SLC9A9: variants seen among roughly 807,000 people sequenced by gnomAD.
The protein encoded by SLC9A9 is sodium/hydrogen exchanger 9.
A neutral mutation model predicts 77.8 loss-of-function variants in SLC9A9; 62 were observed. The ratio of observed to expected loss-of-function variants is 0.80; its 90% CI spans 0.65 to 0.98. The LOEUF is 0.98. Among genes scored for constraint, SLC9A9 ranks in the 50% least tolerant of loss-of-function variants. The pLI is 0.00. For synonymous variants in SLC9A9, 320 were observed against 283.5 expected (o/e 1.13, Z -1.29); for missense variants, 775 against 774.9 (o/e 1.00, Z 0.00).
intron 6 of SLC9A9, among the ~76,000 whole-genome samples, chr3:143,606,432 C>CTA (rs1287074508): frequency 1.0e-3 from 60 of 58,706 alleles, no homozygotes; most frequent in Admixed American, 2.0e-3. Flanking sequence ...CTCTCTCTCT[C>CTA]TCTCTATATA....
rs541124323 is a variant in SLC9A9, at chr3:143,468,677, G to C, written c.1316-1487C>G. 4.9e-4 allele frequency among the ~76,000 whole-genome samples: 75 copies of C among 152,200 alleles called. 1 individual carries two copies. The highest frequency in any genetic ancestry group is 1.5e-3 in the African/African-American group (63 of 41,536). On this transcript the variant is annotated intron_variant, in intron 11 of 15. Transcript: ENST00000316549. ...TGTGTCAGACAACAAAGAAAACTAA[G>C]CTTATGGACCACTGAAAATTAAATA...
Position 143,676,471 on chromosome 3 carries a change from G to T in SLC9A9, c.649+16721C>A, listed in dbSNP as rs561744811. 7.2e-5 allele frequency among the ~76,000 whole-genome samples: 11 copies of T among 152,252 alleles called. No homozygotes were observed. The East Asian group carries it at 2.1e-3, about 29-fold the overall frequency. ...ATCTTAAAAGCAGCTGGGTGTGGTG[G>T]CTCATGCCTGTAATCCCAGTAATTT... On this transcript the variant is annotated intron_variant, in intron 5 of 15. Transcript: ENST00000316549.
chr3:143,758,873 A>G (rs187822565), intron 4 of SLC9A9, among the ~76,000 whole-genome samples: 346 of 152,252 alleles, frequency 2.3e-3, no homozygotes, highest in Non-Finnish European at 4.0e-3. Context: ...GAGGTTACTA[A>G]CAAGTTTCTA....
chr3:143,817,464 G>C (rs1477435159), intron 2 of SLC9A9, among the ~76,000 whole-genome samples: 1 of 152,154 alleles, frequency 6.6e-6, no homozygotes, highest in Admixed American at 6.5e-5. Flanking sequence ...TTATTTTATT[G>C]TAGTAAAATT....
intron 4 of SLC9A9, among the ~76,000 whole-genome samples, chr3:143,693,625 AC>A (rs1336975630): frequency 6.6e-6 from 1 of 152,146 alleles, no homozygotes; most frequent in Non-Finnish European, 1.5e-5. Context: ...CATATCCAAA[AC>A]CACAGCAGCT....
intron 13 of SLC9A9, among the ~76,000 whole-genome samples, chr3:143,366,504 T>A (rs900688495): frequency 3.3e-5 from 5 of 152,218 alleles, no homozygotes; most frequent in African/African-American, 1.2e-4. Context: ...ATAGACTACG[T>A]AACTTCATTG....
At chr3:143,405,833 A>T (rs1334455337) in intron 12 of SLC9A9, among the ~76,000 whole-genome samples, 1 of 152,200 alleles carries the variant, frequency 6.6e-6, no homozygotes, top group Admixed American at 6.5e-5. Flanking sequence ...TCTGGCACAA[A>T]TGTCACAAAC....
In SLC9A9 at chr3:143,733,656, C is replaced by T. The variant is rs377148204; in HGVS notation, c.534-40349G>A. ...GTGTGACTCCTGGTAGAGAGACAGGCAAGATAGCCAGCAGACCCAAGAGGG... is the reference window on the plus strand; with the variant it reads ...GTGTGACTCCTGGTAGAGAGACAGGTAAGATAGCCAGCAGACCCAAGAGGG... On this transcript the variant is annotated intron_variant, in intron 4 of 15. Transcript: ENST00000316549. 5.9e-4 allele frequency among the ~76,000 whole-genome samples: 90 copies of T among 152,080 alleles called. 1 individual carries two copies. The South Asian group carries it at 0.018, about 30-fold the overall frequency.
intron 11 of SLC9A9, among the ~76,000 whole-genome samples, chr3:143,469,150 A>G (rs1258130409): frequency 6.6e-6 from 1 of 151,854 alleles, no homozygotes; most frequent in Non-Finnish European, 1.5e-5. Context: ...ACAGAGTGAG[A>G]CTTCATCTCA....
At chr3:143,627,997 T>C (rs868093814) in intron 6 of SLC9A9, among the ~76,000 whole-genome samples, 1 of 152,264 alleles carries the variant, frequency 6.6e-6, no homozygotes, top group South Asian at 2.1e-4. Flanking sequence ...ATTTACTTAA[T>C]ATATCTGTAT....
intron 5 of SLC9A9, among the ~76,000 whole-genome samples, chr3:143,653,043 A>G (rs1415569328): frequency 3.3e-5 from 5 of 152,202 alleles, no homozygotes; most frequent in Admixed American, 3.3e-4. Context: ...TGCATGAATG[A>G]CTAAATGAAT....
At chr3:143,803,159 C>T (rs1019170104) in intron 2 of SLC9A9, among the ~76,000 whole-genome samples, 4 of 152,172 alleles carry the variant, frequency 2.6e-5, no homozygotes, top group African/African-American at 9.7e-5. Flanking sequence ...ACTGGGTTCA[C>T]CGTTCCAGAG....
chr3:143,638,563 C>G (rs1423861043), intron 6 of SLC9A9, among the ~76,000 whole-genome samples: 4 of 152,206 alleles, frequency 2.6e-5, no homozygotes, highest in African/African-American at 9.6e-5. Context: ...GCCATTCTGG[C>G]AACGGGAAAA....
At chr3:143,469,123 G>A (rs2035334334) in intron 11 of SLC9A9, among the ~76,000 whole-genome samples, 1 of 152,206 alleles carries the variant, frequency 6.6e-6, no homozygotes, top group South Asian at 2.1e-4. Flanking sequence ...TCGTGCCATT[G>A]CACTGCAGCC....
intron 9 of SLC9A9, among the ~76,000 whole-genome samples, chr3:143,552,049 C>A (rs990009766): frequency 6.6e-6 from 1 of 152,138 alleles, no homozygotes; most frequent in East Asian, 1.9e-4. Context: ...ATCTCACATG[C>A]CTTATAATGC....
intron 14 of SLC9A9, among the ~76,000 whole-genome samples, chr3:143,338,684 T>A (rs545418444): frequency 6.6e-6 from 1 of 152,278 alleles, no homozygotes; most frequent in South Asian, 2.1e-4. Context: ...CCAGGGCAAA[T>A]CAATCATCTT....
At chr3:143,271,452 A>G (rs534524697) in intron 14 of SLC9A9, among the ~76,000 whole-genome samples, 45 of 152,314 alleles carry the variant, frequency 3.0e-4, no homozygotes, top group African/African-American at 1.0e-3. Context: ...ATGGTTTTAA[A>G]CCTTGATATG....
chr3:143,628,990 C>A (rs779738367), intron 6 of SLC9A9, among the ~76,000 whole-genome samples: 5 of 152,084 alleles, frequency 3.3e-5, no homozygotes. Context: ...AGCAAAGGAG[C>A]TACACTATCG....
intron 4 of SLC9A9, among the ~76,000 whole-genome samples, chr3:143,776,816 A>G (rs2007706892): frequency 6.6e-6 from 1 of 152,248 alleles, no homozygotes; most frequent in African/African-American, 2.4e-5. Context: ...TATTTCACAT[A>G]TAATCATGGT....
Sources: allele counts gnomAD v4.1 joint callset (sites outside exome capture counted in the v4.1 genomes callset), GRCh38; gene constraint gnomAD v4.1.1; transcripts MANE v1.5; gene names NCBI Gene and HGNC (gene_info 2026-07-23, HGNC 2026-07-21).